GRID2: variants seen among roughly 807,000 people sequenced by gnomAD.
GRID2 encodes the protein glutamate ionotropic receptor delta type subunit 2.
In GRID2, 33 loss-of-function variants were observed where a neutral mutation model predicts 114.8. That is an observed-to-expected ratio of 0.29 (90% CI 0.22 to 0.38). The LOEUF is 0.38. GRID2 is among the 10% of genes least tolerant of loss of function. GRID2 has a pLI of 1.00. For missense variants in GRID2, 1,184 were observed against 1,257.7 expected (o/e 0.94, Z 0.89); for synonymous variants, 505 against 449.9 (o/e 1.12, Z -1.55).
At chr4:93,496,313 G>T (rs550933955) in intron 12 of GRID2, among the ~76,000 whole-genome samples, 2 of 151,878 alleles carry the variant, frequency 1.3e-5, no homozygotes, top group East Asian at 3.9e-4. Context: ...GTACAGAGCA[G>T]TGTCATGTAT....
chr4:92,804,672 T>C lies in GRID2; in HGVS notation c.244+214386T>C, dbSNP rs556870248. Reference sequence around the variant, plus strand: ...TGTATTCTCTAGATATAAATGAGAATTGGGAAACAGAACTAAAAAGTAGCA... The same window carrying C: ...TGTATTCTCTAGATATAAATGAGAACTGGGAAACAGAACTAAAAAGTAGCA... On this transcript the variant is annotated intron_variant, in intron 2 of 15. Coordinates refer to ENST00000282020, the MANE Select transcript of GRID2 (RefSeq NM_001510.4). Among the ~76,000 whole-genome samples the C allele has an allele frequency of 1.5e-3, 226 of 152,118 alleles. 1 individual carries two copies. Among genetic ancestry groups the C allele is most frequent in the African/African-American group, 5.1e-3 (211 of 41,554 alleles).
At chr4:92,824,496 AAATT>A (rs1741549308) in intron 2 of GRID2, among the ~76,000 whole-genome samples, 1 of 152,084 alleles carries the variant, frequency 6.6e-6, no homozygotes, top group Admixed American at 6.6e-5. Context: ...TCAAAAGAAT[AAATT>A]AATTATTAAC....
At chr4:93,304,445 A>G (rs1019705501) in intron 8 of GRID2, among the ~76,000 whole-genome samples, 1 of 151,878 alleles carries the variant, frequency 6.6e-6, no homozygotes, top group African/African-American at 2.4e-5. Context: ...CCCCCTTAGG[A>G]AAAGTATGGC....
chr4:93,747,448 G>T (rs1731938126), intron 14 of GRID2, among the ~76,000 whole-genome samples: 1 of 152,082 alleles, frequency 6.6e-6, no homozygotes, highest in Non-Finnish European at 1.5e-5. Context: ...TATGCTTGTG[G>T]AGAGAAAGAC....
At chr4:92,489,345 ATAAT>A (rs1409338697) in intron 1 of GRID2, among the ~76,000 whole-genome samples, 2 of 152,206 alleles carry the variant, frequency 1.3e-5, no homozygotes, top group Non-Finnish European at 2.9e-5. Flanking sequence ...TCAAAATTAT[ATAAT>A]TAGATACATC....
At chr4:92,805,746 G>GAC (rs778400549) in intron 2 of GRID2, among the ~76,000 whole-genome samples, 1 of 151,854 alleles carries the variant, frequency 6.6e-6, no homozygotes, top group Non-Finnish European at 1.5e-5. Context: ...AGTGAGCTAT[G>GAC]ACATTGACAT....
At chr4:92,769,565 G>A (rs1738438368) in intron 2 of GRID2, among the ~76,000 whole-genome samples, 2 of 152,312 alleles carry the variant, frequency 1.3e-5, no homozygotes, top group African/African-American at 4.8e-5. Context: ...CATCCCTGCA[G>A]CAAACTTTTG....
chr4:93,065,838 A>G (rs900909156), intron 2 of GRID2, among the ~76,000 whole-genome samples: 1 of 151,870 alleles, frequency 6.6e-6, no homozygotes, highest in African/African-American at 2.4e-5. Context: ...TGCCCTTGCT[A>G]AATACACTAG....
chr4:92,656,056 T>C (rs1732216067), intron 2 of GRID2, among the ~76,000 whole-genome samples: 1 of 151,802 alleles, frequency 6.6e-6, no homozygotes, highest in African/African-American at 2.4e-5. Context: ...GCCGAGTTTG[T>C]TGAACATTTT....
At chr4:92,859,150 C>T (rs1023423676) in intron 2 of GRID2, among the ~76,000 whole-genome samples, 4 of 152,106 alleles carry the variant, frequency 2.6e-5, no homozygotes, top group African/African-American at 9.7e-5. Context: ...AAAAAATTGC[C>T]TCAGCCCCCC....
chr4:93,769,480 T>A (rs1733944603), intron 15 of GRID2, 30 bp downstream of exon 15: 1 of 1,609,888 alleles, frequency 6.2e-7, no homozygotes, highest in Non-Finnish European at 8.5e-7. Flanking sequence ...GGCTCTAAAT[T>A]GAATCAACAA....
intron 2 of GRID2, among the ~76,000 whole-genome samples, chr4:92,664,015 T>G (rs1001421507): frequency 6.6e-6 from 1 of 151,188 alleles, no homozygotes; most frequent in African/African-American, 2.4e-5. Context: ...ATTTTACTTA[T>G]CTTTGCTCTA....
At chr4:93,175,768 G>T (rs1739295622) in intron 4 of GRID2, among the ~76,000 whole-genome samples, 1 of 151,948 alleles carries the variant, frequency 6.6e-6, no homozygotes, top group Admixed American at 6.6e-5. Context: ...CTTTTTCCAT[G>T]TTTTGAAAAA....
intron 1 of GRID2, among the ~76,000 whole-genome samples, chr4:92,571,612 A>G (rs1727628333): frequency 6.6e-6 from 1 of 152,168 alleles, no homozygotes. Context: ...ACTTATTCCA[A>G]AATTGACCAC....
At chr4:92,421,288 A>G (rs1731895841) in intron 1 of GRID2, among the ~76,000 whole-genome samples, 2 of 152,076 alleles carry the variant, frequency 1.3e-5, no homozygotes, top group Admixed American at 1.3e-4. Context: ...TTCATTCTAT[A>G]TATCTGGTAC....
intron 2 of GRID2, among the ~76,000 whole-genome samples, chr4:92,943,985 T>C (rs1004560542): frequency 1.3e-5 from 2 of 152,188 alleles, no homozygotes; most frequent in South Asian, 2.1e-4. Context: ...GAGGTATCAG[T>C]CTGCCCCTAC....
At chr4:93,156,679 T>C (rs1010133104) in intron 4 of GRID2, among the ~76,000 whole-genome samples, 4 of 151,756 alleles carry the variant, frequency 2.6e-5, no homozygotes, top group Non-Finnish European at 5.9e-5. Flanking sequence ...GGGTGGGTAG[T>C]GATTTTGATT....
At chr4:92,968,292 G>T (rs1208814437) in intron 2 of GRID2, among the ~76,000 whole-genome samples, 1 of 151,700 alleles carries the variant, frequency 6.6e-6, no homozygotes, top group Non-Finnish European at 1.5e-5. Flanking sequence ...AATTAAATTT[G>T]TTGGTTAAAA....
chr4:93,770,153 T>C (rs1383259155), intron 15 of GRID2, among the ~76,000 whole-genome samples: 1 of 152,210 alleles, frequency 6.6e-6, no homozygotes, highest in African/African-American at 2.4e-5. Context: ...GACTTATAAA[T>C]TAAAGAAAAT....
Sources: allele counts gnomAD v4.1 joint callset (sites outside exome capture counted in the v4.1 genomes callset), GRCh38; gene constraint gnomAD v4.1.1; transcripts MANE v1.5; gene names NCBI Gene and HGNC (gene_info 2026-07-23, HGNC 2026-07-21).